Variants in PTPRE observed in about 807,000 individuals in gnomAD.
The protein encoded by PTPRE is receptor-type tyrosine-protein phosphatase epsilon.
In PTPRE, 51 loss-of-function variants were observed where a neutral mutation model predicts 102.0. That is an observed-to-expected ratio of 0.50 (90% confidence interval 0.40 to 0.63). PTPRE has a LOEUF of 0.63. Among genes scored for constraint, PTPRE ranks in the 30% least tolerant of loss-of-function variants. The probability of loss-of-function intolerance (pLI) is 0.00; values close to 1 mark genes in which losing one functional copy is unlikely to be tolerated. For missense variants in PTPRE, 752 were observed against 915.1 expected, an observed-to-expected ratio of 0.82 and a Z score of 2.30; for synonymous variants, 345 against 348.2, an observed-to-expected ratio of 0.99 and a Z score of 0.10.
chr10:128,022,066 C>T (rs1468440197), intron 2 of PTPRE, among the ~76,000 whole-genome samples: 3 of 152,212 alleles, frequency 2.0e-5, no homozygotes, highest in Admixed American at 6.5e-5. Flanking sequence ...GTTTGAAGGA[C>T]GTGACAAATT....
chr10:128,015,669 T>C (rs1231347580), intron 2 of PTPRE, among the ~76,000 whole-genome samples: 1 of 152,168 alleles, frequency 6.6e-6, no homozygotes, highest in African/African-American at 2.4e-5. Context: ...GCTGAGCTCA[T>C]CTTATAATTA....
chr10:127,999,872 G>A (rs1853688462), intron 2 of PTPRE: 5 of 985,278 alleles, frequency 5.1e-6, no homozygotes, highest in South Asian at 4.7e-5. Context: ...GCTTGGAAAT[G>A]TTCAAATTAT....
intron 1 of PTPRE, among the ~76,000 whole-genome samples, chr10:127,943,963 G>A (rs1354835428): frequency 6.6e-6 from 1 of 152,154 alleles, no homozygotes. Flanking sequence ...AGTTCCTATG[G>A]GCATTGGGGC....
At chr10:127,926,804 C>CTTTTTT (rs150223324) in intron 1 of PTPRE, among the ~76,000 whole-genome samples, 2 of 82,676 alleles carry the variant, frequency 2.4e-5, no homozygotes, top group Non-Finnish European at 4.4e-5. Context: ...AGAGAGTTGT[C>CTTTTTT]TTTTTTTTTT....
chr10:128,080,323 C>T (rs972086492), intron 20 of PTPRE, among the ~76,000 whole-genome samples: 6 of 152,166 alleles, frequency 3.9e-5, no homozygotes, highest in Admixed American at 3.3e-4. Context: ...TCCTTTTTAC[C>T]AAAGCTTCCC....
At position 128,008,830 on chromosome 10, in the gene PTPRE, C is replaced by T. The variant is rs1240981929; in HGVS notation, c.-8+26534C>T. Among the ~76,000 whole-genome samples the T allele has an allele frequency of 6.6e-6, 1 of 152,200 alleles. No individual in the cohort carries two copies. Among genetic ancestry groups the T allele is most frequent in the Non-Finnish European group, 1.5e-5 (1 of 68,046 alleles). ...TCCTCATCCTGCCAGGGCCCCTGCT[C>T]CTCCTGTCACTGATGAATGCAGCCA... On this transcript the variant is annotated intron_variant, in intron 2 of 20. Transcript: ENST00000254667. The surrounding 1 kb of genome is among the most constrained non-coding windows in gnomAD (Gnocchi z 4.0).
At chr10:128,082,195 C>CCCTCT (rs1851770674) in intron 20 of PTPRE, among the ~76,000 whole-genome samples, 1 of 89,036 alleles carries the variant, frequency 1.1e-5, no homozygotes, top group African/African-American at 4.6e-5. Context: ...TTTTCTCTTT[C>CCCTCT]TTTTTTTTTT....
At chr10:128,036,265 A>G (rs997148827) in intron 2 of PTPRE, among the ~76,000 whole-genome samples, 3 of 150,114 alleles carry the variant, frequency 2.0e-5, no homozygotes, top group Non-Finnish European at 4.4e-5. Context: ...CTCCCCAATA[A>G]CCCCCACAAG....
At chr10:128,061,902 A>C (rs988080804) in intron 9 of PTPRE, among the ~76,000 whole-genome samples, 187 bp downstream of exon 9, 4 of 152,216 alleles carry the variant, frequency 2.6e-5, no homozygotes, top group Non-Finnish European at 5.9e-5. Flanking sequence ...ACTTATTCCC[A>C]CACCTATATG....
chr10:128,082,752 T>C (rs1851835175), intron 20 of PTPRE, 80 bp from the exon 21 acceptor site: 1 of 1,452,904 alleles, frequency 6.9e-7, no homozygotes, highest in Non-Finnish European at 9.2e-7. Context: ...TATTTATGTC[T>C]TGTTTTTGAG....
At chr10:127,983,720 A>G (rs755798837) in intron 2 of PTPRE, among the ~76,000 whole-genome samples, 12 of 152,032 alleles carry the variant, frequency 7.9e-5, no homozygotes, top group Non-Finnish European at 1.6e-4. Flanking sequence ...TGACCTTTGC[A>G]CCCCTTGTCT....
chr10:127,944,489 T>A lies in PTPRE; in HGVS notation c.-31+37180T>A, dbSNP rs1486593946. Among the ~76,000 whole-genome samples, 1,889 of 86,242 alleles carry A rather than the reference T, an allele frequency of 0.022. 40 individuals are homozygous for A. The highest frequency in any genetic ancestry group is 0.068 in the African/African-American group (1,765 of 25,876). The allele number at this position is 86,242 out of a possible 152,430, so 56.6% of individuals were successfully genotyped here. On this transcript the variant is annotated intron_variant, in intron 1 of 20. Transcript: ENST00000254667. This position sits in a 1 kb window ranked among gnomAD's most constrained non-coding sequence, Gnocchi z 4.2. ...ACAGACGGATGGATGGATGGATGGA[T>A]GGATGGATGGATGGATGGATGGATG...
chr10:128,054,211 C>T (rs1848771586), intron 6 of PTPRE, among the ~76,000 whole-genome samples: 1 of 152,170 alleles, frequency 6.6e-6, no homozygotes, highest in Non-Finnish European at 1.5e-5. Context: ...TCAACTGCTG[C>T]AATTGATGAA....
At chr10:127,921,313 G>A (rs1010726955) in intron 1 of PTPRE, among the ~76,000 whole-genome samples, 7 of 152,360 alleles carry the variant, frequency 4.6e-5, no homozygotes, top group Admixed American at 3.9e-4. Context: ...GGCCCAGATA[G>A]GGTAGCAGCA....
chr10:127,941,916 G>A (rs1848274345), intron 1 of PTPRE, among the ~76,000 whole-genome samples: 2 of 152,176 alleles, frequency 1.3e-5, no homozygotes, highest in African/African-American at 4.8e-5. Context: ...CCACCAGTGA[G>A]AAGTTGGGCA....
At chr10:128,077,564 G>A in intron 18 of PTPRE, 53 bp from the exon 19 acceptor site, 2 of 1,557,138 alleles carry the variant, frequency 1.3e-6, no homozygotes, top group Admixed American at 1.7e-5. Flanking sequence ...GATGGGGCTG[G>A]GGCCTGTTCC....
intron 1 of PTPRE, among the ~76,000 whole-genome samples, chr10:127,957,928 G>A (rs1849521437): frequency 6.6e-6 from 1 of 152,128 alleles, no homozygotes. Context: ...TTATGCCTAG[G>A]TATTTCATAT....
At chr10:128,017,750 C>G (rs144760990) in intron 2 of PTPRE, among the ~76,000 whole-genome samples, 1 of 152,090 alleles carries the variant, frequency 6.6e-6, no homozygotes, top group Admixed American at 6.5e-5. Flanking sequence ...CTCTGTGCAC[C>G]GAGGCTTTTG....
intron 12 of PTPRE, chr10:128,069,371 T>C (rs190126609): frequency 2.5e-4 from 65 of 258,580 alleles, no homozygotes; most frequent in African/African-American, 1.4e-3. Flanking sequence ...GGGACAGATC[T>C]AGGATGCCAA....
Sources: allele counts gnomAD v4.1 joint callset (sites outside exome capture counted in the v4.1 genomes callset), GRCh38; gene constraint gnomAD v4.1.1; non-coding constraint Gnocchi (gnomAD v3.1); transcripts MANE v1.5; gene names NCBI Gene and HGNC (gene_info 2026-07-23, HGNC 2026-07-21).